TNMD: variants seen among roughly 807,000 people sequenced by gnomAD.
The protein encoded by TNMD is BRICHOS domain containing 4.
Under a neutral mutation model 26.9 loss-of-function variants are expected in TNMD, and 15 were observed. The observed-to-expected ratio is 0.56, with a 90% CI of 0.37 to 0.86. TNMD has a LOEUF of 0.86. Among genes scored for constraint, TNMD ranks in the 40% least tolerant of loss-of-function variants. The pLI, the probability that TNMD is intolerant of heterozygous loss-of-function variation, is 0.00. For missense variants in TNMD, 222 were observed against 242.6 expected, an observed-to-expected ratio of 0.92 and a Z score of 0.56; for synonymous variants, 73 against 77.0, an observed-to-expected ratio of 0.95 and a Z score of 0.27.
At position 100,588,643 on chromosome X, in the gene TNMD, C is replaced by A. The variant is rs149519521; in HGVS notation, c.180+3281C>A. Reference sequence around the variant, plus strand: ...AAAGCCCCCTGTATTACACATTTTACTGGAAACAGTCAGAAGCCAACTCCT... The same window carrying A: ...AAAGCCCCCTGTATTACACATTTTAATGGAAACAGTCAGAAGCCAACTCCT... On this transcript the variant is annotated intron_variant, in intron 2 of 6. Coordinates refer to ENST00000373031, the MANE Select transcript of TNMD (RefSeq NM_022144.3). Among the ~76,000 whole-genome samples the A allele has an allele frequency of 6.1e-3, 680 of 112,064 alleles. 25 individuals are homozygous for A. The highest frequency in any genetic ancestry group is 0.06 in the Admixed American group (627 of 10,533).
intron 6 of TNMD, among the ~76,000 whole-genome samples, 159 bp from the exon 7 acceptor site, chrX:100,599,349 T>C (rs1231280282): frequency 1.8e-5 from 2 of 110,594 alleles, no homozygotes; most frequent in Non-Finnish European, 3.8e-5. Flanking sequence ...TCAAAATCAA[T>C]CTCGATCTCT....
intron 2 of TNMD, among the ~76,000 whole-genome samples, chrX:100,589,222 T>C (rs115257607): frequency 0.042 from 4,673 of 110,904 alleles, 186 homozygotes; most frequent in African/African-American, 0.12. Flanking sequence ...TCCCCTGGGC[T>C]TTCCTACACC....
chrX:100,594,785 T>C (rs910249956), intron 4 of TNMD, among the ~76,000 whole-genome samples: 1 of 112,260 alleles, frequency 8.9e-6, no homozygotes, highest in African/African-American at 3.2e-5. Context: ...CTGGGGTTCT[T>C]GCCACTTTTG....
chrX:100,588,583 A>G (rs1409794471), intron 2 of TNMD, among the ~76,000 whole-genome samples: 1 of 111,869 alleles, frequency 8.9e-6, no homozygotes, highest in Non-Finnish European at 1.9e-5. Flanking sequence ...CCCTGGGATC[A>G]TTGAAGCAGA....
At chrX:100,598,903 G>A (rs2082960455) in intron 5 of TNMD, 113 bp from the exon 6 acceptor site, 4 of 586,562 alleles carry the variant, frequency 6.8e-6, no homozygotes, top group Non-Finnish European at 7.6e-6. Flanking sequence ...CCTAAATGAT[G>A]CCAGTTAGAA....
intron 2 of TNMD, among the ~76,000 whole-genome samples, chrX:100,591,995 T>C (rs1420950596): frequency 9.0e-6 from 1 of 111,336 alleles, no homozygotes; most frequent in African/African-American, 3.3e-5. Flanking sequence ...ATACAGCCTG[T>C]ATTTTCTCTT....
intron 4 of TNMD, among the ~76,000 whole-genome samples, chrX:100,596,465 T>C (rs1038771006): frequency 1.8e-5 from 2 of 112,318 alleles, no homozygotes; most frequent in African/African-American, 3.2e-5. Flanking sequence ...GTAAGAACAC[T>C]GTACCTTCAA....
chrX:100,594,025 A>C lies in TNMD; in HGVS notation c.311A>C (p.Asp104Ala). The C allele has an allele frequency of 8.3e-7, 1 of 1,209,502 alleles. No homozygotes were observed. Among genetic ancestry groups the C allele is most frequent in the Non-Finnish European group, 1.1e-6 (1 of 894,309 alleles). ...ACTGATGAAACATTGGAAGTGCACGACTTTAAAAACGTAAGTTGGATGTTT... is the reference window on the plus strand; with the variant it reads ...ACTGATGAAACATTGGAAGTGCACGCCTTTAAAAACGTAAGTTGGATGTTT... The part of the protein sequence containing the change: ...NGTDETLEVH[D>A]FKNGYTGIYF... Residue 104 changes from aspartate (D) to alanine (A), a missense_variant, in exon 3 of 7, where the codon GAC becomes GCC. By Grantham distance (126) the Asp-to-Ala change is moderately radical. Transcript: ENST00000373031.
intron 2 of TNMD, among the ~76,000 whole-genome samples, chrX:100,591,165 A>G (rs1244008699): frequency 9.0e-6 from 1 of 111,388 alleles, no homozygotes; most frequent in Non-Finnish European, 1.9e-5. Context: ...AGAAGCACCA[A>G]AAATTAACTC....
chrX:100,597,709 T>C (rs1198574485), intron 5 of TNMD, 52 bp downstream of exon 5: 1 of 1,109,042 alleles, frequency 9.0e-7, no homozygotes, highest in Non-Finnish European at 1.2e-6. Context: ...CAGTAACAGG[T>C]TAATGTTCCC....
At chrX:100,593,363 T>C (rs952154204) in intron 2 of TNMD, 2 of 751,934 alleles carry the variant, frequency 2.7e-6, no homozygotes, top group African/African-American at 4.7e-5. Flanking sequence ...AATAAATGTT[T>C]CCTGGAGTTT....
intron 2 of TNMD, among the ~76,000 whole-genome samples, chrX:100,592,325 A>G (rs2082940135): frequency 8.9e-6 from 1 of 112,316 alleles, no homozygotes. Flanking sequence ...ATTTATTGCT[A>G]GAAGCAAATA....
In TNMD at chrX:100,585,338, C is replaced by T; in HGVS notation, c.156C>T (p.His52=). 1 of 1,210,889 alleles carries T rather than the reference C, an allele frequency of 8.3e-7. No homozygotes were observed. Among genetic ancestry groups the T allele is most frequent in the Non-Finnish European group, 1.1e-6 (1 of 895,116 alleles). The part of the protein sequence containing the change: ...TLIVLFWGSK[H]FWPEVPKKAY... ...TTGTCCTGTTTTGGGGGAGCAAGCA[C>T]TTCTGGCCGGAGGTACCCAAAAAAG... The change falls in exon 2 of 7, where the codon CAC becomes CAT. Residue 52 remains histidine (H), a synonymous_variant. Transcript: ENST00000373031.
intron 2 of TNMD, 68 bp from the exon 3 acceptor site, chrX:100,593,827 C>A: frequency 8.9e-7 from 1 of 1,118,212 alleles, no homozygotes; most frequent in Non-Finnish European, 1.2e-6. Context: ...TCAGCTCCAG[C>A]GCCAAAAAGC....
At chrX:100,598,270 C>T (rs756260693) in intron 5 of TNMD, among the ~76,000 whole-genome samples, 1 of 111,290 alleles carries the variant, frequency 9.0e-6, no homozygotes, top group Non-Finnish European at 1.9e-5. Context: ...TCATTCTGCA[C>T]AGCATAGATT....
intron 5 of TNMD, 115 bp from the exon 6 acceptor site, chrX:100,598,901 A>G: frequency 3.4e-6 from 2 of 580,091 alleles, no homozygotes; most frequent in South Asian, 9.5e-5. Context: ...TGCCTAAATG[A>G]TGCCAGTTAG....
At chrX:100,597,394 G>T in intron 4 of TNMD, 110 bp from the exon 5 acceptor site, 1 of 931,593 alleles carries the variant, frequency 1.1e-6, no homozygotes, top group Non-Finnish European at 1.5e-6. Context: ...GCAGCCCTAG[G>T]ATTAAAATTG....
At chrX:100,595,650 C>T (rs1329533289) in intron 4 of TNMD, among the ~76,000 whole-genome samples, 2 of 109,997 alleles carry the variant, frequency 1.8e-5, no homozygotes, top group Non-Finnish European at 3.8e-5. Flanking sequence ...GTCATTGGCT[C>T]CCACTTTACT....
intron 2 of TNMD, chrX:100,593,419 G>T: frequency 1.4e-6 from 1 of 732,726 alleles, no homozygotes; most frequent in East Asian, 1.5e-4. Flanking sequence ...CTCTAATATT[G>T]GCAAGGAGAA....
Sources: allele counts gnomAD v4.1 joint callset (sites outside exome capture counted in the v4.1 genomes callset), GRCh38; gene constraint gnomAD v4.1.1; transcripts MANE v1.5; gene names NCBI Gene and HGNC (gene_info 2026-07-23, HGNC 2026-07-21).